The following UBE2K variants were observed in gnomAD, a reference collection of about 807,000 sequenced individuals.
UBE2K encodes ubiquitin conjugating enzyme E2 K.
Under a neutral mutation model 30.0 loss-of-function variants are expected in UBE2K, and 6 were observed. The ratio of observed to expected loss-of-function variants is 0.20; its 90% confidence interval spans 0.11 to 0.39. The LOEUF (loss-of-function observed/expected upper bound fraction) is 0.39, where lower values mean the gene tolerates loss of function less well. Ranked by LOEUF, UBE2K falls within the 10% of genes least tolerant of loss-of-function variation. The probability of loss-of-function intolerance (pLI) is 1.00; values close to 1 mark genes in which losing one functional copy is unlikely to be tolerated. For missense variants in UBE2K, 61 were observed against 241.6 expected (o/e 0.25, Z 4.96); for synonymous variants, 86 against 83.7 (o/e 1.03, Z -0.15).
intron 3 of UBE2K, among the ~76,000 whole-genome samples, chr4:39,747,340 A>G (rs1038359521): frequency 6.6e-6 from 1 of 152,202 alleles, no homozygotes; most frequent in African/African-American, 2.4e-5. Flanking sequence ...CGTACCCATT[A>G]AGCAATAACT....
At chr4:39,761,873 T>A (rs574715927) in intron 4 of UBE2K, among the ~76,000 whole-genome samples, 1 of 151,888 alleles carries the variant, frequency 6.6e-6, no homozygotes, top group South Asian at 2.1e-4. Context: ...TTTTTTTTTT[T>A]AAAGTTTTAG....
Position 39,762,936 on chromosome 4 carries a change from C to CTTTTTTTTT in UBE2K, c.299+7216_299+7224dup, listed in dbSNP as rs869207095. 2.1e-3 allele frequency among the ~76,000 whole-genome samples: 168 copies of CTTTTTTTTT among 78,694 alleles called. 8 individuals carry two copies. The highest frequency in any genetic ancestry group is 3.2e-3 in the Non-Finnish European group (136 of 42,858). The allele number at this position is 78,694 out of a possible 152,430, so 51.6% of individuals were successfully genotyped here. A position where few individuals can be genotyped will look rare whatever the true frequency, so the allele number is the denominator to read the frequency against. On this transcript the variant is annotated intron_variant, in intron 4 of 6. Coordinates refer to ENST00000261427, the MANE Select transcript of UBE2K (RefSeq NM_005339.5). ...GAGCCACGCACCCGGCCAAAAAACACTTTTTTTTTTTTTTTTTTTTTTTTT... is the reference window on the plus strand; with the variant it reads ...GAGCCACGCACCCGGCCAAAAAACACTTTTTTTTTTTTTTTTTTTTTTTTTTTTTTTTTT...
intron 1 of UBE2K, among the ~76,000 whole-genome samples, chr4:39,719,134 C>CCTCAGACTTTCAGTCTCCCT (rs1719281604): frequency 6.6e-6 from 1 of 152,244 alleles, no homozygotes; most frequent in Non-Finnish European, 1.5e-5. Context: ...CCTACACATA[C>CCTCAGACTTTCAGTCTCCCT]CTCAGACTTT....
chr4:39,753,353 G>A (rs1456715385), intron 3 of UBE2K, among the ~76,000 whole-genome samples: 1 of 148,922 alleles, frequency 6.7e-6, no homozygotes, highest in South Asian at 2.2e-4. Context: ...TTCTCTGGGG[G>A]GGAAAAAAGG....
At chr4:39,745,016 AT>A (rs1720916263) in intron 2 of UBE2K, among the ~76,000 whole-genome samples, 2 of 151,840 alleles carry the variant, frequency 1.3e-5, no homozygotes, top group African/African-American at 2.4e-5. Flanking sequence ...AAAATAAAAA[AT>A]ATATTTAAAG....
intron 2 of UBE2K, among the ~76,000 whole-genome samples, chr4:39,743,765 T>C (rs1238349110): frequency 3.9e-5 from 6 of 152,234 alleles, no homozygotes; most frequent in Non-Finnish European, 8.8e-5. Context: ...TACTATATTT[T>C]GTAATAGTAT....
chr4:39,699,640 A>T (rs1399943957), intron 1 of UBE2K, among the ~76,000 whole-genome samples: 1 of 152,214 alleles, frequency 6.6e-6, no homozygotes, highest in Non-Finnish European at 1.5e-5. Context: ...ACATACCATT[A>T]TTGAATATAT....
chr4:39,769,771 A>G (rs759585169), intron 4 of UBE2K, among the ~76,000 whole-genome samples: 23 of 142,090 alleles, frequency 1.6e-4, no homozygotes, highest in African/African-American at 3.7e-4. Context: ...CCCTCGTTCT[A>G]TAGGACCCTT....
At chr4:39,777,226 G>A (rs987964459) in intron 5 of UBE2K, among the ~76,000 whole-genome samples, 1 of 152,202 alleles carries the variant, frequency 6.6e-6, no homozygotes, top group Non-Finnish European at 1.5e-5. Context: ...TAATGCAGCT[G>A]TAAGAAAACA....
At chr4:39,768,796 T>G (rs1207960110) in intron 4 of UBE2K, among the ~76,000 whole-genome samples, 1 of 152,182 alleles carries the variant, frequency 6.6e-6, no homozygotes. Context: ...TCACCAACAC[T>G]TGTTCATTGT....
chr4:39,702,231 C>CTTTTTTTTTTTTTTTTTT lies in UBE2K; in HGVS notation c.63+3864_63+3881dup, dbSNP rs564712672. On this transcript the variant is annotated intron_variant, in intron 1 of 6. Coordinates refer to ENST00000261427, the MANE Select transcript of UBE2K (RefSeq NM_005339.5). The stretch of plus-strand genomic sequence containing the variant: ...ATTTTCTTTTCTTTTCTTTTCTTTT[C>CTTTTTTTTTTTTTTTTTT]TTTTTTTTTTTTTTTTTTTTTTTTT... Among the ~76,000 whole-genome samples the CTTTTTTTTTTTTTTTTTT allele has an allele frequency of 3.7e-4, 25 of 67,354 alleles. 1 individual carries two copies. Among genetic ancestry groups the CTTTTTTTTTTTTTTTTTT allele is most frequent in the Non-Finnish European group, 4.9e-4 (18 of 36,534 alleles). The allele number at this position is 67,354 out of a possible 152,430, so 44.2% of individuals were successfully genotyped here. A position where few individuals can be genotyped will look rare whatever the true frequency, so the allele number is the denominator to read the frequency against.
At chr4:39,726,872 C>T (rs1719781098) in intron 1 of UBE2K, among the ~76,000 whole-genome samples, 1 of 152,158 alleles carries the variant, frequency 6.6e-6, no homozygotes. Flanking sequence ...GTTAGGATTA[C>T]CAGCGTGAGC....
chr4:39,706,514 C>T (rs965593304), intron 1 of UBE2K, among the ~76,000 whole-genome samples: 1 of 150,734 alleles, frequency 6.6e-6, no homozygotes, highest in Non-Finnish European at 1.5e-5. Context: ...ACTGTGTCAC[C>T]CTGGCTGGAG....
chr4:39,749,302 T>C (rs1453400831), intron 3 of UBE2K, among the ~76,000 whole-genome samples: 1 of 152,212 alleles, frequency 6.6e-6, no homozygotes, highest in African/African-American at 2.4e-5. Flanking sequence ...TAGCATTAAA[T>C]TGCAATGTAT....
Position 39,737,491 on chromosome 4 carries a change from A to G in UBE2K, c.135A>G (p.Gly45=). The G allele has an allele frequency of 6.3e-7, 1 of 1,576,506 alleles. No individual in the cohort carries two copies. The highest frequency in any genetic ancestry group is 1.9e-5 in the Admixed American group (1 of 51,566). Residue 45 remains glycine, a synonymous_variant, in exon 2 of 7, where the codon GGA becomes GGG. Transcript: ENST00000261427. The part of the protein sequence containing the change: ...NFTELRGEIA[G]PPDTPYEGGR... ...CAGAATTAAGAGGAGAAATAGCAGGACCTCCAGACACACCATATGAAGGCA... is the reference window on the plus strand; with the variant it reads ...CAGAATTAAGAGGAGAAATAGCAGGGCCTCCAGACACACCATATGAAGGCA...
intron 4 of UBE2K, among the ~76,000 whole-genome samples, chr4:39,762,784 G>T (rs1340028451): frequency 6.6e-6 from 1 of 152,016 alleles, no homozygotes; most frequent in Non-Finnish European, 1.5e-5. Flanking sequence ...ACAGGTGCGT[G>T]CTATCACGCC....
Position 39,705,709 on chromosome 4 carries a change from CAG to C in UBE2K, c.63+7322_63+7323del, listed in dbSNP as rs202028364. 4.6e-5 allele frequency among the ~76,000 whole-genome samples: 7 copies of C among 152,232 alleles called. No individual in the cohort carries two copies. In the East Asian group the frequency reaches 7.7e-4, roughly 17 times the overall value. The stretch of plus-strand genomic sequence containing the variant: ...TTGTTGTTTTGTTTTGTTTTTGTGA[CAG>C]AGTCTCGGCTCTATCACCCAGCCTG... On this transcript the variant is annotated intron_variant, in intron 1 of 6. Coordinates refer to ENST00000261427, the MANE Select transcript of UBE2K (RefSeq NM_005339.5).
At chr4:39,777,126 T>A (rs1316946271) in intron 5 of UBE2K, among the ~76,000 whole-genome samples, 1 of 152,214 alleles carries the variant, frequency 6.6e-6, no homozygotes, top group Non-Finnish European at 1.5e-5. Flanking sequence ...AGTCTTTTAA[T>A]AAAATTACTC....
chr4:39,701,787 A>C (rs1369607711), intron 1 of UBE2K, among the ~76,000 whole-genome samples: 1 of 151,500 alleles, frequency 6.6e-6, no homozygotes. Context: ...TTAAGAAGGA[A>C]TCTCGCTGTC....
Sources: gnomAD v4.1 joint callset for allele counts (sites outside exome capture counted in the v4.1 genomes callset) on GRCh38, gnomAD v4.1.1 for gene constraint, MANE v1.5 for transcripts, NCBI Gene and HGNC (gene_info 2026-07-23, HGNC 2026-07-21) for gene names.